Variants in VWF observed in about 807,000 individuals in gnomAD.
VWF encodes the protein von Willebrand factor, also known as Factor VIII related antigen.
Under a neutral mutation model 308.6 loss-of-function variants are expected in VWF, and 176 were observed. The ratio of observed to expected loss-of-function variants is 0.57; its 90% CI spans 0.50 to 0.65. VWF has a LOEUF of 0.65. VWF is among the 30% of genes least tolerant of loss of function. The probability of loss-of-function intolerance (pLI) is 0.00; values close to 1 mark genes in which losing one functional copy is unlikely to be tolerated. For synonymous variants in VWF, 1,385 were observed against 1,443.4 expected, an observed-to-expected ratio of 0.96 and a Z score of 0.92; for missense variants, 3,146 against 3,648.2, an observed-to-expected ratio of 0.86 and a Z score of 3.55.
chr12:6,102,390 C>T (rs796651125), intron 5 of VWF, among the ~76,000 whole-genome samples: 53 of 151,304 alleles, frequency 3.5e-4, no homozygotes, highest in African/African-American at 1.3e-3. Context: ...TGCAGTGAGC[C>T]GAGATTGCTC....
intron 10 of VWF, among the ~76,000 whole-genome samples, chr12:6,067,623 C>A (rs1944731565): frequency 6.6e-6 from 1 of 152,170 alleles, no homozygotes; most frequent in African/African-American, 2.4e-5. Flanking sequence ...TGCCAGGTAG[C>A]CGTTAGCCAC....
At chr12:5,970,635 G>A (rs778260656) in intron 44 of VWF, among the ~76,000 whole-genome samples, 9 of 152,162 alleles carry the variant, frequency 5.9e-5, no homozygotes, top group Admixed American at 5.2e-4. Context: ...AGGGGGAGGT[G>A]GAAACTCACC....
intron 5 of VWF, among the ~76,000 whole-genome samples, chr12:6,102,728 C>T (rs914549423): frequency 7.2e-5 from 10 of 139,056 alleles, no homozygotes; most frequent in African/African-American, 2.6e-4. Context: ...AGCGAGACTC[C>T]GTCTCAAAAA....
At chr12:6,005,639 A>T (rs1280871373) in intron 34 of VWF, among the ~76,000 whole-genome samples, 2 of 152,236 alleles carry the variant, frequency 1.3e-5, no homozygotes, top group Non-Finnish European at 2.9e-5. Flanking sequence ...GCAACTTTTC[A>T]TATAAAAGGG....
intron 15 of VWF, among the ~76,000 whole-genome samples, chr12:6,053,751 G>A (rs1944545495): frequency 6.6e-6 from 1 of 152,220 alleles, no homozygotes; most frequent in Non-Finnish European, 1.5e-5. Flanking sequence ...GGTTGAATGA[G>A]CTAACACATT....
chr12:6,094,172 C>G (rs1303524976), intron 6 of VWF, among the ~76,000 whole-genome samples: 2 of 152,214 alleles, frequency 1.3e-5, no homozygotes, highest in African/African-American at 4.8e-5. Flanking sequence ...CCCAGGGAAA[C>G]TAAATTTGGA....
At chr12:5,996,774 G>T (rs1451469913) in intron 34 of VWF, among the ~76,000 whole-genome samples, 2 of 146,768 alleles carry the variant, frequency 1.4e-5, no homozygotes, top group Non-Finnish European at 3.0e-5. Flanking sequence ...AAAAAAAAAT[G>T]GTTGAGTCTC....
At position 6,055,761 on chromosome 12, in the gene VWF, T is replaced by TACACACACACACACACACACACAC. The variant is rs35414262; in HGVS notation, c.1945+1072_1945+1095dup. 1.9e-4 allele frequency among the ~76,000 whole-genome samples: 26 copies of TACACACACACACACACACACACAC among 135,348 alleles called. No individual in the cohort carries two copies. In the East Asian group the frequency reaches 1.9e-3, roughly 10 times the overall value. 88.8% of individuals were successfully genotyped at this position (135,348 alleles called of 152,430 possible). A position where few individuals can be genotyped will look rare whatever the true frequency, so the allele number is the denominator to read the frequency against. On this transcript the variant is annotated intron_variant, in intron 15 of 51. Transcript: ENST00000261405. ...TCTACTTTATATATATATATATGTA[T>TACACACACACACACACACACACAC]ACACACACACACACACACACACACA...
intron 5 of VWF, among the ~76,000 whole-genome samples, chr12:6,103,399 C>CGT (rs772056069): frequency 3.3e-5 from 4 of 120,586 alleles, no homozygotes; most frequent in Non-Finnish European, 6.8e-5. Flanking sequence ...TGTGTATACA[C>CGT]GTGTGTGTAT....
At chr12:6,021,695 A>G (rs1354143898) in intron 27 of VWF, 13 of 625,708 alleles carry the variant, frequency 2.1e-5, no homozygotes, top group Non-Finnish European at 3.2e-5. Flanking sequence ...AGTCTAGTCC[A>G]TCCCTAAAGA....
At chr12:6,110,991 G>A (rs1157413802) in intron 3 of VWF, 23 bp from the exon 4 acceptor site, 5 of 1,583,358 alleles carry the variant, frequency 3.2e-6, no homozygotes, top group East Asian at 4.5e-5. Context: ...AAAGTCAATA[G>A]TAGTGATTAT....
chr12:5,950,032 G>A, intron 50 of VWF, 149 bp from the exon 51 acceptor site: 1 of 716,846 alleles, frequency 1.4e-6, no homozygotes, highest in South Asian at 1.5e-5. Context: ...AGTTATCCTG[G>A]TTCACCTCAG....
chr12:5,962,342 A>C (rs529819105), intron 47 of VWF, among the ~76,000 whole-genome samples: 2 of 152,252 alleles, frequency 1.3e-5, no homozygotes, highest in South Asian at 2.1e-4. Flanking sequence ...GATGACTCTA[A>C]ATTTATATAG....
chr12:6,038,380 G>GA (rs1306887887), intron 18 of VWF, among the ~76,000 whole-genome samples: 3 of 152,186 alleles, frequency 2.0e-5, no homozygotes, highest in Admixed American at 2.0e-4. Context: ...CGGACTCCAG[G>GA]AAACAGAGCC....
intron 21 of VWF, 119 bp from the exon 22 acceptor site, chr12:6,029,607 C>A (rs1030209719): frequency 6.7e-6 from 9 of 1,343,902 alleles, no homozygotes; most frequent in Non-Finnish European, 3.1e-6. Context: ...GGCACTGCCA[C>A]CCCTCCAGGA....
intron 6 of VWF, among the ~76,000 whole-genome samples, chr12:6,084,517 TCAGGCGGGTG>T (rs1027302710): frequency 1.3e-5 from 2 of 152,044 alleles, no homozygotes; most frequent in African/African-American, 4.8e-5. Context: ...CCTGGAGACA[TCAGGCGGGTG>T]CAGGGGAGGA....
At chr12:5,978,806 C>T (rs1943560771) in intron 42 of VWF, among the ~76,000 whole-genome samples, 1 of 152,166 alleles carries the variant, frequency 6.6e-6, no homozygotes, top group African/African-American at 2.4e-5. Context: ...TTCTTGGCAC[C>T]CAGATCATAC....
intron 1 of VWF, 77 bp from the exon 2 acceptor site, chr12:6,123,273 T>C: frequency 6.6e-7 from 1 of 1,506,862 alleles, no homozygotes; most frequent in Non-Finnish European, 9.2e-7. Context: ...TATCAGGGCA[T>C]GCAGTAGCAA....
At chr12:5,994,251 T>C (rs1419130501) in intron 36 of VWF, 48 bp from the exon 37 acceptor site, 2 of 1,607,686 alleles carry the variant, frequency 1.2e-6, no homozygotes, top group Admixed American at 3.3e-5. Context: ...TGGCCCTGGG[T>C]ACAAAAACAT....
Sources: allele counts gnomAD v4.1 joint callset (sites outside exome capture counted in the v4.1 genomes callset), GRCh38; gene constraint gnomAD v4.1.1; transcripts MANE v1.5; gene names NCBI Gene and HGNC (gene_info 2026-07-23, HGNC 2026-07-21).